ESR1: variants seen among roughly 807,000 people sequenced by gnomAD.
The protein encoded by ESR1 is estrogen receptor 1.
Under a neutral mutation model 52.7 loss-of-function variants are expected in ESR1, and 12 were observed. The ratio of observed to expected loss-of-function variants is 0.23; its 90% CI spans 0.15 to 0.37. The LOEUF is 0.37. Among genes scored for constraint, ESR1 ranks in the 10% least tolerant of loss-of-function variants. The pLI is 1.00. For missense variants in ESR1, 584 were observed against 779.7 expected, an observed-to-expected ratio of 0.75 and a Z score of 2.99; for synonymous variants, 305 against 316.8, an observed-to-expected ratio of 0.96 and a Z score of 0.39.
At chr6:151,784,663 G>A (rs1786851436) in intron 2 of ESR1, among the ~76,000 whole-genome samples, 1 of 152,194 alleles carries the variant, frequency 6.6e-6, no homozygotes, top group Non-Finnish European at 1.5e-5. Flanking sequence ...TGCAACCAGT[G>A]TTACAGTTAC....
At chr6:152,097,274 C>A (rs957390593) in intron 7 of ESR1, among the ~76,000 whole-genome samples, 3 of 152,080 alleles carry the variant, frequency 2.0e-5, no homozygotes, top group African/African-American at 7.2e-5. Context: ...AGCTTGGCCC[C>A]AGCCATATGT....
At chr6:151,912,054 A>G (rs1014878839) in intron 3 of ESR1, among the ~76,000 whole-genome samples, 2 of 152,222 alleles carry the variant, frequency 1.3e-5, no homozygotes, top group African/African-American at 4.8e-5. Flanking sequence ...CTCAGTAGCT[A>G]CAAGTGGTTG....
At chr6:151,754,757 T>G (rs1243488737) in intron 2 of ESR1, among the ~76,000 whole-genome samples, 2 of 152,216 alleles carry the variant, frequency 1.3e-5, no homozygotes, top group Non-Finnish European at 2.9e-5. Flanking sequence ...GCTCCTCAGA[T>G]TAAGTCCTTG....
At chr6:151,658,256 C>T (rs1407546117) in intron 1 of ESR1, among the ~76,000 whole-genome samples, 5 of 152,154 alleles carry the variant, frequency 3.3e-5, no homozygotes, top group African/African-American at 9.7e-5. Context: ...TCAATAAAAC[C>T]GAGTTTCAGG....
At chr6:151,970,349 A>C (rs78020001) in intron 4 of ESR1, among the ~76,000 whole-genome samples, 1 of 152,042 alleles carries the variant, frequency 6.6e-6, no homozygotes, top group East Asian at 1.9e-4. Context: ...CTGTCTTTCT[A>C]TTGCAACTTC....
intron 4 of ESR1, among the ~76,000 whole-genome samples, chr6:151,997,005 A>T (rs1316691826): frequency 6.6e-6 from 1 of 152,096 alleles, no homozygotes; most frequent in Non-Finnish European, 1.5e-5. Context: ...CCAGCTAGTA[A>T]AATGGGGCAA....
chr6:151,886,344 G>A (rs1793842395), intron 3 of ESR1, among the ~76,000 whole-genome samples: 1 of 152,130 alleles, frequency 6.6e-6, no homozygotes, highest in South Asian at 2.1e-4. Flanking sequence ...CAATTGATGT[G>A]CAGGACTCTT....
intron 2 of ESR1, among the ~76,000 whole-genome samples, chr6:151,728,281 C>T (rs892064868): frequency 1.3e-5 from 2 of 152,128 alleles, no homozygotes; most frequent in African/African-American, 2.4e-5. Context: ...TCACTCTCAG[C>T]CCATAGAAGT....
chr6:151,928,314 T>C (rs1264362994), intron 3 of ESR1, among the ~76,000 whole-genome samples: 1 of 152,156 alleles, frequency 6.6e-6, no homozygotes, highest in African/African-American at 2.4e-5. Context: ...TAGCCTACAG[T>C]TGAGCAAAAT....
intron 5 of ESR1, among the ~76,000 whole-genome samples, chr6:152,031,175 A>G (rs899535045): frequency 3.9e-5 from 6 of 152,266 alleles, no homozygotes; most frequent in African/African-American, 1.4e-4. Context: ...AAATGCCCGC[A>G]AGAGAAAGCA....
chr6:152,063,027 G>T (rs995774578), intron 6 of ESR1, among the ~76,000 whole-genome samples: 1 of 152,076 alleles, frequency 6.6e-6, no homozygotes, highest in South Asian at 2.1e-4. Context: ...TACAACCCAG[G>T]GGGAAAAAAC....
At chr6:151,785,415 T>G (rs1276041256) in intron 2 of ESR1, among the ~76,000 whole-genome samples, 1 of 152,202 alleles carries the variant, frequency 6.6e-6, no homozygotes, top group Non-Finnish European at 1.5e-5. Context: ...GCCCATACTT[T>G]GAGAACCACA....
At chr6:151,824,484 C>A (rs1781131061) in intron 1 of ESR1, among the ~76,000 whole-genome samples, 1 of 152,100 alleles carries the variant, frequency 6.6e-6, no homozygotes, top group Non-Finnish European at 1.5e-5. Flanking sequence ...TAATTAGATC[C>A]CATTTGTCAA....
intron 2 of ESR1, among the ~76,000 whole-genome samples, chr6:151,703,888 T>C (rs1779983180): frequency 6.6e-6 from 1 of 152,228 alleles, no homozygotes. Flanking sequence ...TGCTGAGATT[T>C]TGAAAGAGAC....
rs561404278 is a variant in ESR1, at chr6:152,061,692, G to T, written c.1369+568G>T. On this transcript the variant is annotated intron_variant, in intron 6 of 7. Transcript: ENST00000206249. The surrounding 1 kb of genome is among the most constrained non-coding windows in gnomAD (Gnocchi z 4.3). ...TGAAGTCTGATTCTACTGCCCCTTC[G>T]TATTTATTTGTTTGAGAAAGCTTAG... Among the ~76,000 whole-genome samples the T allele has an allele frequency of 6.6e-6, 1 of 152,164 alleles. No homozygotes were observed. Among genetic ancestry groups the T allele is most frequent in the South Asian group, 2.1e-4 (1 of 4,830 alleles).
intron 6 of ESR1, among the ~76,000 whole-genome samples, chr6:152,063,252 G>A (rs763080101): frequency 1.3e-5 from 2 of 152,126 alleles, no homozygotes; most frequent in Non-Finnish European, 2.9e-5. Context: ...GGGCAGAAAC[G>A]CTATTGTAGA....
chr6:151,782,794 T>A (rs1786672575), intron 2 of ESR1, among the ~76,000 whole-genome samples: 1 of 152,214 alleles, frequency 6.6e-6, no homozygotes, highest in Admixed American at 6.5e-5. Context: ...GGAAAAATGT[T>A]AAGTGTAAAT....
chr6:151,777,228 C>T (rs1786094156), intron 2 of ESR1, among the ~76,000 whole-genome samples: 1 of 151,204 alleles, frequency 6.6e-6, no homozygotes, highest in African/African-American at 2.4e-5. Context: ...AGCGATTCTC[C>T]TGCCTCACCC....
intron 5 of ESR1, among the ~76,000 whole-genome samples, chr6:152,030,918 C>G (rs1275534086): frequency 6.6e-6 from 1 of 152,140 alleles, no homozygotes; most frequent in Non-Finnish European, 1.5e-5. Flanking sequence ...TGTAAAAGAA[C>G]AGAAATTATA....
Sources: gnomAD v4.1 joint callset for allele counts (sites outside exome capture counted in the v4.1 genomes callset) on GRCh38, gnomAD v4.1.1 for gene constraint, Gnocchi (gnomAD v3.1) non-coding constraint, MANE v1.5 for transcripts, NCBI Gene and HGNC (gene_info 2026-07-23, HGNC 2026-07-21) for gene names.